Variants in OR4M1 observed in about 807,000 individuals in gnomAD.
OR4M1 encodes the protein olfactory receptor family 4 subfamily M member 1.
A neutral mutation model predicts 9.8 loss-of-function variants in OR4M1; 7 were observed. That is an observed-to-expected ratio of 0.71 (90% confidence interval 0.41 to 1.34). OR4M1 has a LOEUF of 1.34. Ranked by LOEUF, OR4M1 falls within the 40% of genes most tolerant of loss-of-function variation. The pLI is 0.01. For synonymous variants in OR4M1, 121 were observed against 139.8 expected (o/e 0.87, Z 0.95); for missense variants, 331 against 380.4 (o/e 0.87, Z 1.08).
Position 19,781,443 on chromosome 14 carries a change from A to C in OR4M1, c.*179A>C. ...AAATAGAGGCATTAAGATGAAAATA[A>C]ATTTACTCACACCTACCCTGAAATT... On this transcript the variant is annotated 3_prime_UTR_variant, in exon 2 of 2. Transcript: ENST00000641200. 2 of 639,418 alleles carry C rather than the reference A, an allele frequency of 3.1e-6. No individual in the cohort carries two copies. Among genetic ancestry groups the C allele is most frequent in the Non-Finnish European group, 5.2e-6 (2 of 387,068 alleles). 39.6% of individuals were successfully genotyped at this position (639,418 alleles called of 1,614,324 possible).
Position 19,782,925 on chromosome 14 carries a change from C to A in OR4M1, c.*1661C>A, listed in dbSNP as rs1220481849. 2.0e-5 allele frequency: 3 copies of A among 152,294 alleles called. No homozygotes were observed. The highest frequency in any genetic ancestry group is 3.9e-4 in the East Asian group (2 of 5,192). The allele number at this position is 152,294 out of a possible 1,614,324, so 9.4% of individuals were successfully genotyped here. On this transcript the variant is annotated 3_prime_UTR_variant, in exon 2 of 2. Transcript: ENST00000641200. ...ATCTTTTATCATCTTACTGTCATTTCTCTGTATTTGATCTAGCCAGACTTC... is the reference window on the plus strand; with the variant it reads ...ATCTTTTATCATCTTACTGTCATTTATCTGTATTTGATCTAGCCAGACTTC...
rs1165389962 is a variant in OR4M1 at position 19,782,251 on chromosome 14, T to C, written c.*987T>C. On this transcript the variant is annotated 3_prime_UTR_variant, in exon 2 of 2. Transcript: ENST00000641200. ...TTGGTTCCCATGATCCCTTAGAGAA[T>C]TATTAGGGACTGATTTCCTATTTTC... The C allele has an allele frequency of 6.6e-6, 1 of 152,274 alleles. No individual in the cohort carries two copies. The highest frequency in any genetic ancestry group is 1.5e-5 in the Non-Finnish European group (1 of 68,048). 9.4% of individuals were successfully genotyped at this position (152,274 alleles called of 1,614,324 possible).
chr14:19,777,464 C>T (rs1167075315), intron 1 of OR4M1, among the ~76,000 whole-genome samples: 2 of 152,066 alleles, frequency 1.3e-5, no homozygotes, highest in Middle Eastern at 3.2e-3. Flanking sequence ...TTATTTCCTG[C>T]TTGTCTTTTA....
chr14:19,777,296 A>G (rs1258268526), intron 1 of OR4M1, among the ~76,000 whole-genome samples: 2 of 151,574 alleles, frequency 1.3e-5, no homozygotes, highest in Non-Finnish European at 2.9e-5. Context: ...AAAGTCTTTC[A>G]TGACACAAGG....
At chr14:19,779,005 G>A (rs958225994) in intron 1 of OR4M1, among the ~76,000 whole-genome samples, 2 of 152,140 alleles carry the variant, frequency 1.3e-5, no homozygotes, top group African/African-American at 4.8e-5. Flanking sequence ...CCAGATTCCT[G>A]GAAAACACTG....
At chr14:19,778,320 G>T (rs1859157064) in intron 1 of OR4M1, among the ~76,000 whole-genome samples, 1 of 152,206 alleles carries the variant, frequency 6.6e-6, no homozygotes, top group African/African-American at 2.4e-5. Flanking sequence ...TTGGTGGAAT[G>T]GGTATGGAGT....
chr14:19,780,177 C>G, intron 1 of OR4M1, 117 bp from the exon 2 acceptor site: 2 of 929,872 alleles, frequency 2.2e-6, no homozygotes, highest in Non-Finnish European at 3.1e-6. Context: ...AATGGGCAAC[C>G]AAATGTATCC....
In OR4M1 at chr14:19,783,036, C is replaced by T. The variant is rs980325024; in HGVS notation, c.*1772C>T. 6.6e-6 allele frequency: 1 copy of T among 152,206 alleles called. No homozygotes were observed. The highest frequency in any genetic ancestry group is 2.4e-5 in the African/African-American group (1 of 41,440). The allele number at this position is 152,206 out of a possible 1,614,324, so 9.4% of individuals were successfully genotyped here. ...CTGATTTGATATGCTCTTCAAACAC[C>T]AGCACACTGTACTACAGAAGGATAT... On this transcript the variant is annotated 3_prime_UTR_variant, in exon 2 of 2. Coordinates refer to ENST00000641200, the MANE Select transcript of OR4M1 (RefSeq NM_001005500.2).
chr14:19,774,142 A>C (rs1238881690), intron 1 of OR4M1, among the ~76,000 whole-genome samples: 2 of 152,252 alleles, frequency 1.3e-5, no homozygotes, highest in African/African-American at 4.8e-5. Context: ...AGCTTTGAAA[A>C]TAAATAGAAA....
At chr14:19,776,185 A>G (rs527528313) in intron 1 of OR4M1, among the ~76,000 whole-genome samples, 2 of 152,316 alleles carry the variant, frequency 1.3e-5, no homozygotes, top group African/African-American at 4.8e-5. Flanking sequence ...CCCTATTGCT[A>G]CCCAAATCAT....
In OR4M1 at chr14:19,782,498, T is replaced by A. The variant is rs1878530341; in HGVS notation, c.*1234T>A. ...CTAAATTTTAAGTGAATTAGATCCT[T>A]GTCAACATTAGGAATGAATATATAA... On this transcript the variant is annotated 3_prime_UTR_variant, in exon 2 of 2. Coordinates refer to ENST00000641200, the MANE Select transcript of OR4M1 (RefSeq NM_001005500.2). 6.6e-6 allele frequency: 1 copy of A among 152,254 alleles called. No homozygotes were observed. The highest frequency in any genetic ancestry group is 2.4e-5 in the African/African-American group (1 of 41,466). 9.4% of individuals were successfully genotyped at this position (152,254 alleles called of 1,614,324 possible).
In OR4M1 at chr14:19,781,370, T is replaced by G. The variant is rs1266066238; in HGVS notation, c.*106T>G. On this transcript the variant is annotated 3_prime_UTR_variant, in exon 2 of 2. Coordinates refer to ENST00000641200, the MANE Select transcript of OR4M1 (RefSeq NM_001005500.2). ...CACTTCCTCCGTTCATTTGTGTTCT[T>G]AAAATTTTACTATAATTTTTCTCTA... 6.6e-6 allele frequency: 7 copies of G among 1,064,110 alleles called. No individual in the cohort carries two copies. The highest frequency in any genetic ancestry group is 2.6e-6 in the Non-Finnish European group (2 of 754,948). 65.9% of individuals were successfully genotyped at this position (1,064,110 alleles called of 1,614,324 possible).
intron 1 of OR4M1, among the ~76,000 whole-genome samples, chr14:19,778,408 C>G (rs995594313): frequency 6.6e-6 from 1 of 152,174 alleles, no homozygotes; most frequent in African/African-American, 2.4e-5. Flanking sequence ...ATAAAAAAAG[C>G]ATATGATCTT....
At chr14:19,779,984 G>T (rs1310355310) in intron 1 of OR4M1, among the ~76,000 whole-genome samples, 1 of 152,230 alleles carries the variant, frequency 6.6e-6, no homozygotes, top group Non-Finnish European at 1.5e-5. Flanking sequence ...TTCACATATT[G>T]CTTACTAATG....
intron 1 of OR4M1, among the ~76,000 whole-genome samples, chr14:19,773,962 A>G (rs1878239405): frequency 6.6e-6 from 1 of 152,262 alleles, no homozygotes; most frequent in African/African-American, 2.4e-5. Context: ...GATTGTTAAA[A>G]TAAACTTCCA....
At position 19,782,069 on chromosome 14, in the gene OR4M1, G is replaced by A. The variant is rs2138433975; in HGVS notation, c.*805G>A. On this transcript the variant is annotated 3_prime_UTR_variant, in exon 2 of 2. Coordinates refer to ENST00000641200, the MANE Select transcript of OR4M1 (RefSeq NM_001005500.2). ...GTTGACTGGAATTGGTAGACATCTA[G>A]CCGTGTAGTTTTTTTCTAAACTATC... is the stretch of plus-strand genomic sequence containing the variant. 6.6e-6 allele frequency: 1 copy of A among 152,396 alleles called. No individual in the cohort carries two copies. The highest frequency in any genetic ancestry group is 3.4e-3 in the Middle Eastern group (1 of 298). The allele number at this position is 152,396 out of a possible 1,614,324, so 9.4% of individuals were successfully genotyped here.
At chr14:19,778,433 C>T (rs1295476443) in intron 1 of OR4M1, among the ~76,000 whole-genome samples, 9 of 152,278 alleles carry the variant, frequency 5.9e-5, no homozygotes, top group South Asian at 2.1e-4. Flanking sequence ...TGGTATTTAC[C>T]GCTTTAAAAT....
rs1348245755 is a variant in OR4M1 at position 19,783,250 on chromosome 14, G to C, written c.*1986G>C. 2 of 152,340 alleles carry C rather than the reference G, an allele frequency of 1.3e-5. No individual in the cohort carries two copies. Among genetic ancestry groups the C allele is most frequent in the Non-Finnish European group, 2.9e-5 (2 of 68,120 alleles). The allele number at this position is 152,340 out of a possible 1,614,324, so 9.4% of individuals were successfully genotyped here. ...TTCATGGAGGACATAATTGGAATAAGGACTGAGAGCAATTTCACCCCTTGG... is the reference window on the plus strand; with the variant it reads ...TTCATGGAGGACATAATTGGAATAACGACTGAGAGCAATTTCACCCCTTGG... On this transcript the variant is annotated 3_prime_UTR_variant, in exon 2 of 2. Transcript: ENST00000641200.
chr14:19,781,508 T>C lies in OR4M1; in HGVS notation c.*244T>C, dbSNP rs1424434202. On this transcript the variant is annotated 3_prime_UTR_variant, in exon 2 of 2. Coordinates refer to ENST00000641200, the MANE Select transcript of OR4M1 (RefSeq NM_001005500.2). ...ATTAGAATTTGAGATATAATAATAA[T>C]CTGCTAAAGTACATTTTAACTAATT... 2.1e-6 allele frequency: 1 copy of C among 482,202 alleles called. No homozygotes were observed. Among genetic ancestry groups the C allele is most frequent in the African/African-American group, 2.0e-5 (1 of 50,538 alleles). The allele number at this position is 482,202 out of a possible 1,614,324, so 29.9% of individuals were successfully genotyped here. A position where few individuals can be genotyped will look rare whatever the true frequency, so the allele number is the denominator to read the frequency against.
Sources: allele counts gnomAD v4.1 joint callset (sites outside exome capture counted in the v4.1 genomes callset), GRCh38; gene constraint gnomAD v4.1.1; transcripts MANE v1.5; gene names NCBI Gene and HGNC (gene_info 2026-07-23, HGNC 2026-07-21).